Variants in PRKCE observed in about 807,000 individuals in gnomAD.
The protein encoded by PRKCE is protein kinase C epsilon type.
A neutral mutation model predicts 85.4 loss-of-function variants in PRKCE; 16 were observed. The ratio of observed to expected loss-of-function variants is 0.19; its 90% confidence interval spans 0.13 to 0.28. The LOEUF (loss-of-function observed/expected upper bound fraction) is 0.28. Ranked by LOEUF, PRKCE falls within the 10% of genes least tolerant of loss-of-function variation. PRKCE has a pLI of 1.00. For synonymous variants in PRKCE, 388 were observed against 371.5 expected (o/e 1.04, Z -0.51); for missense variants, 573 against 975.2 (o/e 0.59, Z 5.49).
rs1479072048 is a variant in PRKCE at position 45,905,240 on chromosome 2, C to T, written c.412+62177C>T. Among the ~76,000 whole-genome samples, 1 of 152,184 alleles carries T rather than the reference C, an allele frequency of 6.6e-6. No individual in the cohort carries two copies. Among genetic ancestry groups the T allele is most frequent in the African/African-American group, 2.4e-5 (1 of 41,438 alleles). On this transcript the variant is annotated intron_variant, in intron 2 of 14. Coordinates refer to ENST00000306156, the MANE Select transcript of PRKCE (RefSeq NM_005400.3). This position sits in a 1 kb window ranked among gnomAD's most constrained non-coding sequence, Gnocchi z 4.4. ...CCTCAGGAACCTCTTGGCTGGCTCTCCAACATAGCCCACGCTAACCCAGTT... is the reference window on the plus strand; with the variant it reads ...CCTCAGGAACCTCTTGGCTGGCTCTTCAACATAGCCCACGCTAACCCAGTT...
At chr2:46,077,265 A>G (rs996159432) in intron 10 of PRKCE, among the ~76,000 whole-genome samples, 1 of 152,126 alleles carries the variant, frequency 6.6e-6, no homozygotes, top group African/African-American at 2.4e-5. Context: ...GGATGTGTTT[A>G]TGGAATAGAT....
chr2:45,993,674 C>T (rs903783331), intron 6 of PRKCE, among the ~76,000 whole-genome samples: 7 of 152,154 alleles, frequency 4.6e-5, no homozygotes, highest in African/African-American at 7.2e-5. Context: ...TTCTCTTTTC[C>T]GTCACTTCAC....
At chr2:46,175,990 T>G (rs1316504733) in intron 14 of PRKCE, among the ~76,000 whole-genome samples, 1 of 152,110 alleles carries the variant, frequency 6.6e-6, no homozygotes, top group Non-Finnish European at 1.5e-5. Flanking sequence ...AAACTCACCG[T>G]CTGGAGATTC....
At chr2:45,817,135 G>A (rs536899399) in intron 1 of PRKCE, among the ~76,000 whole-genome samples, 13 of 150,028 alleles carry the variant, frequency 8.7e-5, no homozygotes, top group Admixed American at 8.0e-4. Context: ...TGCCCCAGGG[G>A]GAGCGACCTC....
chr2:45,940,256 C>G (rs564877762), intron 2 of PRKCE, among the ~76,000 whole-genome samples: 1 of 152,254 alleles, frequency 6.6e-6, no homozygotes, highest in East Asian at 1.9e-4. Flanking sequence ...TTAGGGGTAG[C>G]TGTGGCTTCA....
Position 45,976,340 on chromosome 2 carries a change from C to G in PRKCE, c.413-89C>G, listed in dbSNP as rs543739102. The G allele has an allele frequency of 1.5e-5, 22 of 1,463,494 alleles. No individual in the cohort carries two copies. The South Asian group carries it at 1.8e-4, about 12-fold the overall frequency. The allele number at this position is 1,463,494 out of a possible 1,614,324, so 90.7% of individuals were successfully genotyped here. ...CTCACCCACCCCAGCTCCACTCCCC[C>G]AGGGATGGAGTAGCTCTCCAGAGGG... is the stretch of plus-strand genomic sequence containing the variant. On this transcript the variant is annotated intron_variant, in intron 2 of 14. Transcript: ENST00000306156.
At chr2:45,756,940 C>G (rs1462001065) in intron 1 of PRKCE, among the ~76,000 whole-genome samples, 1 of 152,078 alleles carries the variant, frequency 6.6e-6, no homozygotes, top group Non-Finnish European at 1.5e-5. Context: ...CAAAACTTAT[C>G]AAGGTTTACT....
intron 2 of PRKCE, among the ~76,000 whole-genome samples, chr2:45,908,061 TG>T (rs1697114748): frequency 6.6e-6 from 1 of 151,954 alleles, no homozygotes; most frequent in Admixed American, 6.6e-5. Flanking sequence ...AGAGTGTGAG[TG>T]GCTGGTTAAT....
chr2:45,845,061 C>CT lies in PRKCE; in HGVS notation c.412+2016dup, dbSNP rs531961588. On this transcript the variant is annotated intron_variant, in intron 2 of 14. Transcript: ENST00000306156. ...CTGAAGAAAAGAAGACATTTTTCTA[C>CT]TTTTTTTTTTTTTTTTTTAAATTGC... is the stretch of plus-strand genomic sequence containing the variant. Among the ~76,000 whole-genome samples, 752 of 137,362 alleles carry CT rather than the reference C, an allele frequency of 5.5e-3. 6 individuals carry two copies. The highest frequency in any genetic ancestry group is 0.017 in the African/African-American group (637 of 37,482). The allele number at this position is 137,362 out of a possible 152,430, so 90.1% of individuals were successfully genotyped here.
At chr2:45,870,180 A>C (rs1693977905) in intron 2 of PRKCE, among the ~76,000 whole-genome samples, 3 of 152,168 alleles carry the variant, frequency 2.0e-5, no homozygotes, top group Admixed American at 2.0e-4. Context: ...AACAGCCCTC[A>C]AGTATTACTC....
intron 2 of PRKCE, among the ~76,000 whole-genome samples, chr2:45,976,088 G>A (rs542828874): frequency 3.9e-4 from 60 of 152,338 alleles, no homozygotes; most frequent in African/African-American, 1.3e-3. Context: ...GTTGCAGTAA[G>A]ATGCGAACCT....
At chr2:45,871,767 C>G (rs1694104663) in intron 2 of PRKCE, among the ~76,000 whole-genome samples, 1 of 152,220 alleles carries the variant, frequency 6.6e-6, no homozygotes, top group African/African-American at 2.4e-5. Context: ...GACTGAACTT[C>G]TCCACAGTTC....
chr2:45,874,086 A>G (rs980511705), intron 2 of PRKCE, among the ~76,000 whole-genome samples: 4 of 152,252 alleles, frequency 2.6e-5, no homozygotes, highest in African/African-American at 9.6e-5. Flanking sequence ...TAAGGTGCCC[A>G]CAAGGGCTGG....
intron 1 of PRKCE, among the ~76,000 whole-genome samples, chr2:45,833,247 T>G (rs1207028873): frequency 2.6e-5 from 4 of 152,162 alleles, no homozygotes; most frequent in Non-Finnish European, 5.9e-5. Context: ...GACAGAAAAT[T>G]TCCTGATATG....
At chr2:46,149,273 C>T (rs575636907) in intron 12 of PRKCE, among the ~76,000 whole-genome samples, 1 of 152,266 alleles carries the variant, frequency 6.6e-6, no homozygotes, top group East Asian at 1.9e-4. Flanking sequence ...CCAAGGTGTC[C>T]CATGGGCTGG....
chr2:46,089,129 A>T (rs1468014718), intron 11 of PRKCE, among the ~76,000 whole-genome samples: 1 of 152,076 alleles, frequency 6.6e-6, no homozygotes, highest in Non-Finnish European at 1.5e-5. Flanking sequence ...AACCATTCTT[A>T]TCACAGTGGC....
chr2:46,075,331 C>T (rs1380297084), intron 10 of PRKCE, among the ~76,000 whole-genome samples: 1 of 152,148 alleles, frequency 6.6e-6, no homozygotes, highest in African/African-American at 2.4e-5. Context: ...CCACCGTGCC[C>T]GGCCCGCTCA....
At chr2:45,735,097 G>A (rs1342482067) in intron 1 of PRKCE, among the ~76,000 whole-genome samples, 2 of 152,198 alleles carry the variant, frequency 1.3e-5, no homozygotes, top group Non-Finnish European at 2.9e-5. Flanking sequence ...GCCAGCATCT[G>A]GTGGAAACAG....
chr2:45,945,985 A>G (rs1042102823), intron 2 of PRKCE, among the ~76,000 whole-genome samples: 2 of 152,270 alleles, frequency 1.3e-5, no homozygotes, highest in African/African-American at 4.8e-5. Context: ...GGGTGGATTC[A>G]GTGCAGTGCT....
Sources: allele counts gnomAD v4.1 joint callset (sites outside exome capture counted in the v4.1 genomes callset), GRCh38; gene constraint gnomAD v4.1.1; non-coding constraint Gnocchi (gnomAD v3.1); transcripts MANE v1.5; gene names NCBI Gene and HGNC (gene_info 2026-07-23, HGNC 2026-07-21).